DLG2: variants seen among roughly 807,000 people sequenced by gnomAD.
The protein encoded by DLG2 is discs large MAGUK scaffold protein 2, also known as disks large homolog 2.
DLG2 carries 45 observed loss-of-function variants against 132.5 expected under a neutral mutation model. The observed-to-expected ratio is 0.34, with a 90% CI of 0.27 to 0.44. The LOEUF is 0.44. Among genes scored for constraint, DLG2 ranks in the 20% least tolerant of loss-of-function variants. DLG2 has a pLI of 1.00. For missense variants in DLG2, 1,045 were observed against 1,196.9 expected (o/e 0.87, Z 1.87); for synonymous variants, 424 against 419.6 (o/e 1.01, Z -0.13).
intron 6 of DLG2, among the ~76,000 whole-genome samples, chr11:84,930,487 C>A (rs953455526): frequency 1.2e-4 from 19 of 152,124 alleles, no homozygotes; most frequent in African/African-American, 4.3e-4. Context: ...TGAACAACCT[C>A]CTCCATCCTC....
At chr11:85,543,832 TTGTTTG>T (rs958649918) in intron 3 of DLG2, among the ~76,000 whole-genome samples, 3 of 143,342 alleles carry the variant, frequency 2.1e-5, no homozygotes, top group African/African-American at 8.2e-5. Flanking sequence ...TTTGATGGGG[TTGTTTG>T]TTTTTTTTTC....
chr11:83,686,514 T>C (rs2079805529), intron 18 of DLG2, among the ~76,000 whole-genome samples: 1 of 152,134 alleles, frequency 6.6e-6, no homozygotes, highest in South Asian at 2.1e-4. Flanking sequence ...GTCTTTTTTG[T>C]CCTTGGTTGA....
intron 10 of DLG2, among the ~76,000 whole-genome samples, chr11:84,087,873 C>T (rs528772312): frequency 4.6e-4 from 70 of 152,234 alleles, no homozygotes; most frequent in African/African-American, 1.6e-3. Flanking sequence ...ACGTCCAGAA[C>T]TATAGGATAA....
intron 6 of DLG2, among the ~76,000 whole-genome samples, chr11:84,584,054 G>GTA (rs1427513270): frequency 1.3e-5 from 2 of 151,934 alleles, no homozygotes; most frequent in African/African-American, 2.4e-5. Context: ...TTTCTCTATG[G>GTA]TATATATATC....
At chr11:84,426,042 AAG>A in intron 7 of DLG2, among the ~76,000 whole-genome samples, 1 of 152,106 alleles carries the variant, frequency 6.6e-6, no homozygotes, top group Non-Finnish European at 1.5e-5. Context: ...AATTTCATGA[AAG>A]ATTATCAATA....
chr11:85,103,535 G>A (rs1231304332), intron 6 of DLG2, among the ~76,000 whole-genome samples: 2 of 151,832 alleles, frequency 1.3e-5, no homozygotes, highest in African/African-American at 2.4e-5. Context: ...ATGATGCTGC[G>A]ACACTTGGAT....
rs1566846786 is a variant in DLG2 at position 83,757,777 on chromosome 11, AGACTTTGAT to A, written c.1825+28904_1825+28912del. On this transcript the variant is annotated intron_variant, in intron 18 of 27. Coordinates refer to ENST00000376104, the MANE Select transcript of DLG2 (RefSeq NM_001142699.3). Reference sequence around the variant, plus strand: ...TACATGCACATTCCCTTTCCTCATCAGACTTTGATGCCTAAAGTTCCTTTAATATAACTA... The same window carrying A: ...TACATGCACATTCCCTTTCCTCATCAGCCTAAAGTTCCTTTAATATAACTA... Among the ~76,000 whole-genome samples the A allele has an allele frequency of 2.6e-5, 4 of 152,246 alleles. No individual in the cohort carries two copies. The South Asian group carries it at 8.3e-4, about 32-fold the overall frequency.
intron 6 of DLG2, among the ~76,000 whole-genome samples, chr11:84,835,302 G>A (rs1160365516): frequency 6.6e-6 from 1 of 151,566 alleles, no homozygotes; most frequent in Admixed American, 6.6e-5. Context: ...TAGAACTTTA[G>A]TTCTGGAGGT....
chr11:84,306,854 G>T (rs1422188686), intron 7 of DLG2, among the ~76,000 whole-genome samples: 3 of 152,122 alleles, frequency 2.0e-5, no homozygotes, highest in Non-Finnish European at 4.4e-5. Flanking sequence ...AGATGTTGGC[G>T]AGCTTGTTGA....
In DLG2 at chr11:83,580,416, A is replaced by C. The variant is rs191329798; in HGVS notation, c.1941-38558T>G. The stretch of plus-strand genomic sequence containing the variant: ...CTCTGCTAGGCACTAGGGCTAACAA[A>C]GATAGATATGGGTTCTGCCCACGTG... On this transcript the variant is annotated intron_variant, in intron 19 of 27. Transcript: ENST00000376104. Among the ~76,000 whole-genome samples the C allele has an allele frequency of 6.6e-5, 10 of 152,312 alleles. 1 individual carries two copies. Among genetic ancestry groups the C allele is most frequent in the Admixed American group, 4.6e-4 (7 of 15,314 alleles).
intron 3 of DLG2, among the ~76,000 whole-genome samples, chr11:85,447,742 A>T (rs1285803159): frequency 6.6e-6 from 1 of 152,166 alleles, no homozygotes; most frequent in African/African-American, 2.4e-5. Context: ...TTGAAGCTTA[A>T]AATTTCTGAA....
At chr11:85,156,980 T>A (rs563066609) in intron 4 of DLG2, among the ~76,000 whole-genome samples, 1 of 152,278 alleles carries the variant, frequency 6.6e-6, no homozygotes, top group South Asian at 2.1e-4. Flanking sequence ...GCCAAAAAGA[T>A]TAACATTTGA....
chr11:85,376,224 G>C (rs1379572320), intron 3 of DLG2, among the ~76,000 whole-genome samples: 1 of 152,186 alleles, frequency 6.6e-6, no homozygotes, highest in Non-Finnish European at 1.5e-5. Flanking sequence ...AATATAGAGG[G>C]AGGAGAGATG....
At chr11:84,409,201 A>G (rs891639213) in intron 7 of DLG2, among the ~76,000 whole-genome samples, 4 of 152,190 alleles carry the variant, frequency 2.6e-5, no homozygotes, top group Non-Finnish European at 5.9e-5. Context: ...TCTGCAAACC[A>G]GAGTACTAAG....
intron 3 of DLG2, among the ~76,000 whole-genome samples, chr11:85,478,029 G>T (rs542057542): frequency 1.3e-5 from 2 of 150,900 alleles, no homozygotes; most frequent in Non-Finnish European, 3.0e-5. Flanking sequence ...TTTTTTAAGA[G>T]ACAGCTTTCG....
intron 4 of DLG2, among the ~76,000 whole-genome samples, chr11:85,239,823 C>A (rs544466812): frequency 6.6e-5 from 10 of 151,992 alleles, no homozygotes; most frequent in African/African-American, 1.9e-4. Context: ...TAGATTATTT[C>A]CAGGTTTTTA....
At chr11:83,866,697 G>A (rs749472158) in intron 16 of DLG2, among the ~76,000 whole-genome samples, 10 of 152,002 alleles carry the variant, frequency 6.6e-5, no homozygotes, top group African/African-American at 9.7e-5. Context: ...AGATATACAC[G>A]GTATGATAAG....
chr11:84,890,287 T>A (rs891771476), intron 6 of DLG2, among the ~76,000 whole-genome samples: 3 of 152,190 alleles, frequency 2.0e-5, no homozygotes, highest in Admixed American at 1.3e-4. Flanking sequence ...AGTTCCCTTC[T>A]CTTGTGCTGT....
intron 7 of DLG2, among the ~76,000 whole-genome samples, chr11:84,493,534 T>A (rs753838400): frequency 1.3e-5 from 2 of 152,040 alleles, no homozygotes; most frequent in Admixed American, 6.6e-5. Flanking sequence ...ATTGCTCAGG[T>A]CCTTGGATAC....
Sources: gnomAD v4.1 joint callset for allele counts (sites outside exome capture counted in the v4.1 genomes callset) on GRCh38, gnomAD v4.1.1 for gene constraint, MANE v1.5 for transcripts, NCBI Gene and HGNC (gene_info 2026-07-23, HGNC 2026-07-21) for gene names.